The following NF1 variants were observed in gnomAD, a reference collection of about 807,000 sequenced individuals.
NF1 encodes the protein neurofibromin.
In NF1, 122 loss-of-function variants were observed where a neutral mutation model predicts 325.7. The observed-to-expected ratio is 0.37, with a 90% CI of 0.32 to 0.44. The LOEUF (loss-of-function observed/expected upper bound fraction) is 0.44, where lower values mean the gene tolerates loss of function less well. Ranked by LOEUF, NF1 falls within the 20% of genes least tolerant of loss-of-function variation. NF1 has a pLI of 1.00. For missense variants in NF1, 2,140 were observed against 3,415.4 expected, an observed-to-expected ratio of 0.63 and a Z score of 9.31; for synonymous variants, 1,091 against 1,186.0, an observed-to-expected ratio of 0.92 and a Z score of 1.65.
At chr17:31,197,517 G>C (rs535294335) in intron 8 of NF1, among the ~76,000 whole-genome samples, 1 of 151,900 alleles carries the variant, frequency 6.6e-6, no homozygotes, top group African/African-American at 2.4e-5. Context: ...TTTTTATTAA[G>C]TTTTTCACCT....
rs1050612282 is a variant in NF1 at position 31,377,382 on chromosome 17, A to G, written c.*3227A>G. 24 of 233,392 alleles carry G rather than the reference A, an allele frequency of 1.0e-4. No individual in the cohort carries two copies. Among genetic ancestry groups the G allele is most frequent in the African/African-American group, 4.6e-4 (21 of 45,340 alleles). The allele number at this position is 233,392 out of a possible 1,614,324, so 14.5% of individuals were successfully genotyped here. A position where few individuals can be genotyped will look rare whatever the true frequency, so the allele number is the denominator to read the frequency against. On this transcript the variant is annotated 3_prime_UTR_variant, in exon 58 of 58. Transcript: ENST00000358273. The stretch of plus-strand genomic sequence containing the variant: ...TAACTTCTTTTTGCGACTGCGTTAC[A>G]TCATTTAAAGAAAATGCTGTGTATT...
At chr17:31,277,331 A>G (rs574015553) in intron 36 of NF1, among the ~76,000 whole-genome samples, 3 of 152,298 alleles carry the variant, frequency 2.0e-5, no homozygotes, top group Admixed American at 6.5e-5. Flanking sequence ...GCTTTCTTCT[A>G]TCAACGCCTA....
chr17:31,224,149 T>A (rs2066973770), intron 16 of NF1, among the ~76,000 whole-genome samples: 1 of 152,116 alleles, frequency 6.6e-6, no homozygotes, highest in Non-Finnish European at 1.5e-5. Flanking sequence ...CCAATAAGGG[T>A]TTCACCTCTT....
intron 36 of NF1, chr17:31,272,880 A>G (rs1480678883): frequency 6.6e-6 from 1 of 152,148 alleles, no homozygotes; most frequent in Non-Finnish European, 1.5e-5. Context: ...TTGCTTTTTC[A>G]CTATTAGTGA....
intron 36 of NF1, among the ~76,000 whole-genome samples, chr17:31,299,352 A>AT (rs1026743489): frequency 1.3e-5 from 2 of 152,020 alleles, no homozygotes; most frequent in Admixed American, 1.3e-4. Context: ...CAAAAAAAAT[A>AT]TTTTTTAGAG....
intron 1 of NF1, among the ~76,000 whole-genome samples, chr17:31,122,859 G>C (rs1914552706): frequency 6.6e-6 from 1 of 152,108 alleles, no homozygotes; most frequent in Non-Finnish European, 1.5e-5. Context: ...GCTTAAGCCT[G>C]GTAGCTAAAT....
At chr17:31,327,977 C>G in intron 38 of NF1, 138 bp downstream of exon 38, 1 of 813,732 alleles carries the variant, frequency 1.2e-6, no homozygotes, top group South Asian at 1.6e-5. Flanking sequence ...CCACTGTGAC[C>G]TCATCAAGTT....
chr17:31,242,066 CT>C (rs1389845006), intron 29 of NF1, among the ~76,000 whole-genome samples: 7 of 151,492 alleles, frequency 4.6e-5, no homozygotes, highest in Non-Finnish European at 1.5e-5. Flanking sequence ...ATGCCACTCT[CT>C]CCTGGCCTCT....
At chr17:31,221,072 T>G (rs1439643069) in intron 14 of NF1, among the ~76,000 whole-genome samples, 5 of 152,094 alleles carry the variant, frequency 3.3e-5, no homozygotes, top group Non-Finnish European at 7.4e-5. Context: ...TGTCCAGAGC[T>G]TCACAGTTTC....
rs2143913823 is a variant in NF1 at position 31,206,263 on chromosome 17, G to A, written c.1284G>A (p.Lys428=). 3 of 1,613,846 alleles carry A rather than the reference G, an allele frequency of 1.9e-6. No individual in the cohort carries two copies. The highest frequency in any genetic ancestry group is 2.5e-6 in the Non-Finnish European group (3 of 1,179,772). Residue 428 remains lysine, a synonymous_variant, in exon 12 of 58, where the codon AAG becomes AAA. Coordinates refer to ENST00000358273, the MANE Select transcript of NF1 (RefSeq NM_001042492.3). Reference sequence around the variant, plus strand: ...AGTCCGCATTGGATTGGTGGCCTAAGATTGATGCTGTGTATTGTCACTCGG... The same window carrying A: ...AGTCCGCATTGGATTGGTGGCCTAAAATTGATGCTGTGTATTGTCACTCGG... ...ITNSALDWWP[K]IDAVYCHSVE...
chr17:31,258,408 T>G lies in NF1; in HGVS notation c.4238T>G (p.Phe1413Cys). Reference sequence around the variant, plus strand: ...GTAGGAAGTGCCATGTTCCTCAGATTTATCAATCCTGCCATTGTCTCACCG... The same window carrying G: ...GTAGGAAGTGCCATGTTCCTCAGATGTATCAATCCTGCCATTGTCTCACCG... ...GAVGSAMFLR[F>C]INPAIVSPYE... Residue 1413 changes from phenylalanine (F) to cysteine (C), a missense_variant, in exon 32 of 58, where the codon TTT (phenylalanine) becomes TGT (cysteine). Phe to Cys is a radical substitution (Grantham distance 205). This residue lies in a region of NF1 where 336 missense variants were observed against 399.0 expected (regional missense o/e 0.84). Transcript: ENST00000358273. 6.2e-7 allele frequency: 1 copy of G among 1,614,014 alleles called. No homozygotes were observed. Among genetic ancestry groups the G allele is most frequent in the Non-Finnish European group, 8.5e-7 (1 of 1,179,938 alleles).
At chr17:31,238,302 T>A (rs1042245397) in intron 29 of NF1, among the ~76,000 whole-genome samples, 1 of 152,190 alleles carries the variant, frequency 6.6e-6, no homozygotes, top group East Asian at 1.9e-4. Context: ...TAGCCATTTT[T>A]AAATATGACC....
chr17:31,318,445 G>A, intron 36 of NF1: 1 of 1,613,942 alleles, frequency 6.2e-7, no homozygotes, highest in Non-Finnish European at 8.5e-7. Flanking sequence ...TGATTCAGCG[G>A]GCCATAGACC....
intron 8 of NF1, among the ~76,000 whole-genome samples, chr17:31,192,464 C>T (rs2066362680): frequency 6.6e-6 from 1 of 152,124 alleles, no homozygotes; most frequent in Non-Finnish European, 1.5e-5. Context: ...TGTCTGAAGA[C>T]TTGGGATTAA....
intron 16 of NF1, 149 bp downstream of exon 16, chr17:31,223,716 A>G (rs1299688835): frequency 1.4e-6 from 1 of 719,934 alleles, no homozygotes; most frequent in East Asian, 3.0e-5. Context: ...TGCAGAGGAC[A>G]ATGACTGGCA....
At chr17:31,157,730 C>T (rs967807124) in intron 2 of NF1, among the ~76,000 whole-genome samples, 4 of 148,864 alleles carry the variant, frequency 2.7e-5, no homozygotes, top group South Asian at 2.1e-4. Flanking sequence ...GAGGCCAAGA[C>T]GGGCGGATCA....
intron 29 of NF1, among the ~76,000 whole-genome samples, chr17:31,240,215 C>A (rs2067271792): frequency 6.6e-6 from 1 of 152,112 alleles, no homozygotes; most frequent in Non-Finnish European, 1.5e-5. Context: ...CCCCGGTCTC[C>A]CCTTCCCCAC....
At chr17:31,216,955 C>T (rs570540315) in intron 13 of NF1, among the ~76,000 whole-genome samples, 6 of 152,138 alleles carry the variant, frequency 3.9e-5, no homozygotes, top group African/African-American at 4.8e-5. Flanking sequence ...CTCCCTGAGT[C>T]GGACACTTTT....
chr17:31,375,619 T>G lies in NF1; in HGVS notation c.*1464T>G. ...GTTCCCTTTATATGTTAAGATATAA[T>G]GGCTTTGAGGGGGGAAAAAATAAAC... On this transcript the variant is annotated 3_prime_UTR_variant, in exon 58 of 58. Coordinates refer to ENST00000358273, the MANE Select transcript of NF1 (RefSeq NM_001042492.3). 1 of 232,846 alleles carries G rather than the reference T, an allele frequency of 4.3e-6. No homozygotes were observed. Among genetic ancestry groups the G allele is most frequent in the Admixed American group, 5.6e-5 (1 of 17,778 alleles). 14.4% of individuals were successfully genotyped at this position (232,846 alleles called of 1,614,324 possible).
Sources: allele counts gnomAD v4.1 joint callset (sites outside exome capture counted in the v4.1 genomes callset), GRCh38; gene constraint gnomAD v4.1.1; regional missense constraint gnomAD v4.1.1; transcripts MANE v1.5; gene names NCBI Gene and HGNC (gene_info 2026-07-23, HGNC 2026-07-21).